The following SUGP1 variants were observed in gnomAD, a reference collection of about 807,000 sequenced individuals.
SUGP1 encodes SURP and G-patch domain-containing protein 1.
In SUGP1, 34 loss-of-function variants were observed where a neutral mutation model predicts 76.5. The observed-to-expected ratio is 0.44, with a 90% CI of 0.34 to 0.59. The LOEUF is 0.59. SUGP1 is among the 20% of genes least tolerant of loss of function. The pLI, the probability that SUGP1 is intolerant of heterozygous loss-of-function variation, is 0.01. For synonymous variants in SUGP1, 326 were observed against 326.2 expected, an observed-to-expected ratio of 1.00 and a Z score of 0.01; for missense variants, 752 against 851.7, an observed-to-expected ratio of 0.88 and a Z score of 1.46.
At chr19:19,289,956 G>A (rs534062151) in intron 8 of SUGP1, among the ~76,000 whole-genome samples, 2 of 151,914 alleles carry the variant, frequency 1.3e-5, no homozygotes, top group South Asian at 4.2e-4. Flanking sequence ...AACTAAGAGG[G>A]AGTTAGGAAG....
chr19:19,309,738 AT>A (rs2061340595), intron 3 of SUGP1, among the ~76,000 whole-genome samples: 1 of 152,012 alleles, frequency 6.6e-6, no homozygotes, highest in Admixed American at 6.6e-5. Context: ...ATGAAACCCC[AT>A]CTCTACTAAA....
At chr19:19,297,424 C>T (rs2061236551) in intron 7 of SUGP1, 80 bp from the exon 8 acceptor site, 1 of 1,192,454 alleles carries the variant, frequency 8.4e-7, no homozygotes, top group East Asian at 2.4e-5. Flanking sequence ...CAGTTCTGGC[C>T]TTGTGTGCCC....
At chr19:19,320,416 GC>G in intron 1 of SUGP1, 46 bp downstream of exon 1, 1 of 1,601,434 alleles carries the variant, frequency 6.2e-7, no homozygotes, top group Non-Finnish European at 8.5e-7. Context: ...GAGACACCTA[GC>G]CCCAGGGACC....
At position 19,297,165 on chromosome 19, in the gene SUGP1, G is replaced by A. The variant is rs371163303; in HGVS notation, c.1067C>T (p.Ser356Leu). ...SLPPATTCPA[S>L]STPAPTIIPA... ...GATGATAGTGGGCGCAGGCGTGGAC[G>A]AGGCGGGGCAGGTGGTGGCTGGGGG... is the stretch of plus-strand genomic sequence containing the variant. Residue 356 changes from serine (S) to leucine (L), a missense_variant, in exon 8 of 14, where the codon TCG (serine) becomes TTG (leucine). This residue lies in a region of SUGP1 where 620 missense variants were observed against 617.3 expected (regional missense o/e 1.00). Coordinates refer to ENST00000247001, the MANE Select transcript of SUGP1 (RefSeq NM_172231.4). 15 of 1,611,710 alleles carry A rather than the reference G, an allele frequency of 9.3e-6. No individual in the cohort carries two copies. The highest frequency in any genetic ancestry group is 8.0e-5 in the African/African-American group (6 of 74,880).
chr19:19,277,199 C>G (rs2061057456), intron 12 of SUGP1, 123 bp from the exon 13 acceptor site: 14 of 1,045,726 alleles, frequency 1.3e-5, no homozygotes, highest in Non-Finnish European at 1.8e-5. Context: ...CATATCTGCA[C>G]AGAGAGAAGC....
At chr19:19,303,674 G>A (rs751997325) in intron 5 of SUGP1, 50 bp downstream of exon 5, 9 of 1,605,786 alleles carry the variant, frequency 5.6e-6, no homozygotes, top group Non-Finnish European at 7.7e-6. Context: ...GTGCGACTGT[G>A]CAGCAAACGC....
chr19:19,279,537 C>CTA (rs2061081256), intron 9 of SUGP1, 147 bp from the exon 10 acceptor site: 9 of 855,524 alleles, frequency 1.1e-5, no homozygotes, highest in African/African-American at 1.7e-5. Flanking sequence ...AGGACTCTAG[C>CTA]AAGTACTGAG....
chr19:19,279,222 T>C lies in SUGP1; in HGVS notation c.1519A>G (p.Lys507Glu). ...CCGCTGCCCCACATACCCCTGGTCT[T>C]ATCCATCTCCATGCGCCGCAGCTGG... ...EHQLRRMEMD[K>E]TREWAEQLTK... Residue 507 changes from lysine to glutamate, a missense_variant, in exon 10 of 14, where the codon AAG becomes GAG. By Grantham distance (56) the Lys-to-Glu change is moderately conservative. Coordinates refer to ENST00000247001, the MANE Select transcript of SUGP1 (RefSeq NM_172231.4). 6.2e-7 allele frequency: 1 copy of C among 1,606,510 alleles called. No homozygotes were observed. The highest frequency in any genetic ancestry group is 8.5e-7 in the Non-Finnish European group (1 of 1,178,628).
chr19:19,295,049 G>C (rs2061214661), intron 8 of SUGP1, among the ~76,000 whole-genome samples: 1 of 152,076 alleles, frequency 6.6e-6, no homozygotes, highest in Non-Finnish European at 1.5e-5. Context: ...TGTAAACCCA[G>C]GACTCTGAGA....
Position 19,297,095 on chromosome 19 carries a change from C to T in SUGP1, c.1137G>A (p.Val379=). The change falls in exon 8 of 14, where the codon GTG becomes GTA. Residue 379 remains valine (V), a synonymous_variant. Coordinates refer to ENST00000247001, the MANE Select transcript of SUGP1 (RefSeq NM_172231.4). Reference sequence around the variant, plus strand: ...CCCACCGGCTCTTCCGCTTCCTCTTCACGGTGGCTGCGGAGGCTGGCTTCC... The same window carrying T: ...CCCACCGGCTCTTCCGCTTCCTCTTTACGGTGGCTGCGGAGGCTGGCTTCC... The part of the protein sequence containing the change: ...APGKPASAAT[V]KRKRKSRWGP... The T allele has an allele frequency of 6.2e-7, 1 of 1,613,998 alleles. No individual in the cohort carries two copies. Among genetic ancestry groups the T allele is most frequent in the African/African-American group, 1.3e-5 (1 of 75,058 alleles).
Position 19,277,796 on chromosome 19 carries a change from C to T in SUGP1, c.1719G>A (p.Met573Ile). 6.2e-7 allele frequency: 1 copy of T among 1,614,094 alleles called. No homozygotes were observed. Among genetic ancestry groups the T allele is most frequent in the Non-Finnish European group, 8.5e-7 (1 of 1,179,998 alleles). The change falls in exon 12 of 14, where the codon ATG (methionine) becomes ATA (isoleucine). Residue 573 changes from methionine to isoleucine, a missense_variant. Coordinates refer to ENST00000247001, the MANE Select transcript of SUGP1 (RefSeq NM_172231.4). ...CCAGCCCCTCGCCCTCCTTCCAGCCCATCTTCATCAGCATCTGGTAGCCGA... is the reference window on the plus strand; with the variant it reads ...CCAGCCCCTCGCCCTCCTTCCAGCCTATCTTCATCAGCATCTGGTAGCCGA... The part of the protein sequence containing the change: ...ENIGYQMLMK[M>I]GWKEGEGLGS...
chr19:19,306,259 G>A (rs1415239348), intron 3 of SUGP1, among the ~76,000 whole-genome samples, 183 bp from the exon 4 acceptor site: 1 of 152,166 alleles, frequency 6.6e-6, no homozygotes, highest in African/African-American at 2.4e-5. Flanking sequence ...AAAAGGACTC[G>A]TTGTGGTCCC....
intron 5 of SUGP1, 48 bp downstream of exon 5, chr19:19,303,676 A>G (rs1365261536): frequency 1.2e-6 from 2 of 1,606,148 alleles, no homozygotes; most frequent in East Asian, 2.2e-5. Context: ...GCGACTGTGC[A>G]GCAAACGCAT....
intron 8 of SUGP1, among the ~76,000 whole-genome samples, chr19:19,287,485 C>G (rs1299154686): frequency 6.6e-6 from 1 of 152,134 alleles, no homozygotes; most frequent in African/African-American, 2.4e-5. Flanking sequence ...TCGTTTGAAC[C>G]AGAGGGGCAG....
At chr19:19,290,393 C>T (rs2061172136) in intron 8 of SUGP1, among the ~76,000 whole-genome samples, 1 of 152,106 alleles carries the variant, frequency 6.6e-6, no homozygotes, top group South Asian at 2.1e-4. Context: ...ACCTGTAATC[C>T]CAGCACTTGG....
rs754396458 is a variant in SUGP1, at chr19:19,310,107, C to G, written c.300G>C (p.Gln100His). 4 of 1,613,176 alleles carry G rather than the reference C, an allele frequency of 2.5e-6. No homozygotes were observed. The change falls in exon 3 of 14, where the codon CAG (glutamine) becomes CAC (histidine). Residue 100 changes from glutamine to histidine, a missense_variant. Around this residue, in one of 2 missense-constraint regions of SUGP1, gnomAD observed 620 missense variants for 617.3 expected, o/e 1.00. Transcript: ENST00000247001. ...LQQFLKLQKA[Q>H]TSTDAPTSAP... is the part of the protein sequence containing the mutation. ...GAGGCCTACACTCACCTGTGCTGGT[C>G]TGTGCCTTCTGCAACTTCAGAAACT...
At chr19:19,303,921 C>T in intron 4 of SUGP1, 74 bp from the exon 5 acceptor site, 1 of 1,606,962 alleles carries the variant, frequency 6.2e-7, no homozygotes, top group Non-Finnish European at 8.5e-7. Context: ...CTCTATGGAC[C>T]ACAACGACAG....
intron 7 of SUGP1, among the ~76,000 whole-genome samples, chr19:19,298,423 G>C (rs532374923): frequency 2.2e-4 from 33 of 152,298 alleles, no homozygotes; most frequent in African/African-American, 7.9e-4. Context: ...ACGCGAACCT[G>C]GGAGGCGGAG....
chr19:19,278,606 T>G, intron 11 of SUGP1, 84 bp downstream of exon 11: 1 of 1,229,880 alleles, frequency 8.1e-7, no homozygotes, highest in Non-Finnish European at 1.2e-6. Context: ...GTAGCCAGGC[T>G]ACTTTGGGCA....
Sources: gnomAD v4.1 joint callset for allele counts (sites outside exome capture counted in the v4.1 genomes callset) on GRCh38, gnomAD v4.1.1 for gene constraint, gnomAD v4.1.1 regional missense constraint, MANE v1.5 for transcripts, NCBI Gene and HGNC (gene_info 2026-07-23, HGNC 2026-07-21) for gene names.